SLC34A2: variants seen among roughly 807,000 people sequenced by gnomAD.
SLC34A2 encodes sodium-dependent phosphate transport protein 2B.
In SLC34A2, 41 loss-of-function variants were observed where a neutral mutation model predicts 50.8. The ratio of observed to expected loss-of-function variants is 0.81; its 90% CI spans 0.63 to 1.05. The LOEUF is 1.05. SLC34A2 is among the 50% of genes least tolerant of loss of function. The probability of loss-of-function intolerance (pLI) is 0.00; values close to 1 mark genes in which losing one functional copy is unlikely to be tolerated. For synonymous variants in SLC34A2, 401 were observed against 364.2 expected, an observed-to-expected ratio of 1.10 and a Z score of -1.15; for missense variants, 879 against 876.7, an observed-to-expected ratio of 1.00 and a Z score of -0.03.
rs1457811005 is a variant in SLC34A2, at chr4:25,677,038, C to A, written c.*289C>A. On this transcript the variant is annotated 3_prime_UTR_variant, in exon 13 of 13. Transcript: ENST00000382051. ...GGCGGGACGGATGTCTAATCCTGCG[C>A]CTAGCTGGGTTGGTCAGTAGAACCT... 2 of 454,528 alleles carry A rather than the reference C, an allele frequency of 4.4e-6. No homozygotes were observed. Among genetic ancestry groups the A allele is most frequent in the East Asian group, 8.0e-5 (2 of 24,940 alleles). The allele number at this position is 454,528 out of a possible 1,614,324, so 28.2% of individuals were successfully genotyped here.
rs534759029 is a variant in SLC34A2, at chr4:25,664,317, C to G, written c.366C>G (p.Phe122Leu). ...CCCTGGATATTCTTAGTAGCGCCTT[C>G]CAGCTGGTTGGAGGTAAGAATGAAA... ...VCSLDILSSA[F>L]QLVGGKMAGQ... is the part of the protein sequence containing the mutation. Residue 122 changes from phenylalanine to leucine, a missense_variant, in exon 4 of 13, where the codon TTC becomes TTG. Coordinates refer to ENST00000382051, the MANE Select transcript of SLC34A2 (RefSeq NM_006424.3). 7 of 1,613,988 alleles carry G rather than the reference C, an allele frequency of 4.3e-6. No individual in the cohort carries two copies. In the South Asian group the frequency reaches 7.7e-5, roughly 18 times the overall value.
rs771029639 is a variant in SLC34A2 at position 25,662,576 on chromosome 4, C to T, written c.76C>T (p.Pro26Ser). 1 of 1,614,110 alleles carries T rather than the reference C, an allele frequency of 6.2e-7. No homozygotes were observed. The highest frequency in any genetic ancestry group is 1.1e-5 in the South Asian group (1 of 91,084). Reference sequence around the variant, plus strand: ...CCTCGAAGGGGCCGCAGGTCAGCAGCCCACTGCCCCTGATAAAAGCAAAGA... The same window carrying T: ...CCTCGAAGGGGCCGCAGGTCAGCAGTCCACTGCCCCTGATAAAAGCAAAGA... ...KYLEGAAGQQ[P>S]TAPDKSKETN... The change falls in exon 2 of 13, where the codon CCC becomes TCC. Residue 26 changes from proline to serine, a missense_variant. Coordinates refer to ENST00000382051, the MANE Select transcript of SLC34A2 (RefSeq NM_006424.3).
intron 6 of SLC34A2, 37 bp downstream of exon 6, chr4:25,668,028 C>T (rs756239254): frequency 1.5e-6 from 2 of 1,331,470 alleles, no homozygotes; most frequent in South Asian, 1.2e-5. Context: ...GACATCAGCT[C>T]TATTGTTCTT....
intron 4 of SLC34A2, chr4:25,664,961 C>T (rs950950946): frequency 5.2e-5 from 12 of 230,652 alleles, no homozygotes; most frequent in South Asian, 1.8e-4. Context: ...CTCCCATTTA[C>T]GGAGAGATCA....
At chr4:25,659,804 C>T (rs188128089) in intron 1 of SLC34A2, among the ~76,000 whole-genome samples, 17 of 152,286 alleles carry the variant, frequency 1.1e-4, no homozygotes, top group African/African-American at 2.9e-4. Flanking sequence ...CCTTTGTGAG[C>T]TTAGAGGTTG....
intron 9 of SLC34A2, among the ~76,000 whole-genome samples, chr4:25,671,971 A>C (rs1008719409): frequency 2.6e-5 from 4 of 152,198 alleles, no homozygotes; most frequent in African/African-American, 9.6e-5. Flanking sequence ...CCAGCTCCAC[A>C]CCACCTCAGA....
Position 25,670,920 on chromosome 4 carries a change from A to G in SLC34A2, c.927+87A>G. On this transcript the variant is annotated intron_variant, in intron 8 of 12. Transcript: ENST00000382051. The stretch of plus-strand genomic sequence containing the variant: ...AATCTTGCCTTCAAGGAAGGTAAAT[A>G]GAAAGTCAGGGGAAAGAAATATTGG... The G allele has an allele frequency of 3.6e-6, 4 of 1,106,972 alleles. No homozygotes were observed. The South Asian group carries it at 3.9e-5, about 11-fold the overall frequency. 68.6% of individuals were successfully genotyped at this position (1,106,972 alleles called of 1,614,324 possible).
chr4:25,661,210 C>T (rs892503279), intron 1 of SLC34A2, among the ~76,000 whole-genome samples: 2 of 152,178 alleles, frequency 1.3e-5, no homozygotes, highest in African/African-American at 4.8e-5. Flanking sequence ...CCTGCAAGAA[C>T]TGTTCCATTT....
In SLC34A2 at chr4:25,676,257, G is replaced by T; in HGVS notation, c.1581G>T (p.Trp527Cys). 7.4e-6 allele frequency: 12 copies of T among 1,614,178 alleles called. No homozygotes were observed. The highest frequency in any genetic ancestry group is 1.0e-5 in the Non-Finnish European group (12 of 1,180,034). The change falls in exon 13 of 13, where the codon TGG (tryptophan) becomes TGT (cysteine). Residue 527 changes from tryptophan (W) to cysteine (C), a missense_variant. Transcript: ENST00000382051. ...GLGNISAKYR[W>C]FAVFYLIIFF... ...GCAACATCTCTGCCAAGTATCGCTG[G>T]TTCGCCGTCTTCTACCTGATCATCT...
Position 25,664,192 on chromosome 4 carries a change from C to A in SLC34A2, c.251-10C>A, listed in dbSNP as rs775783811. 8.7e-6 allele frequency: 14 copies of A among 1,611,244 alleles called. No individual in the cohort carries two copies. The East Asian group carries it at 2.9e-4, about 33-fold the overall frequency. On this transcript the variant is annotated splice_polypyrimidine_tract_variant and intron_variant, in intron 3 of 12. Coordinates refer to ENST00000382051, the MANE Select transcript of SLC34A2 (RefSeq NM_006424.3). ...CTTTCTCTCTCTCCCCCCATCCCAC[C>A]CCCCTGCAGAGAGAGACACCAAAGG...
chr4:25,664,955 C>T lies in SLC34A2; in HGVS notation c.379+625C>T, dbSNP rs536919854. 159 of 231,378 alleles carry T rather than the reference C, an allele frequency of 6.9e-4. 2 individuals are homozygous for T. The Admixed American group carries it at 8.8e-3, about 13-fold the overall frequency. 14.3% of individuals were successfully genotyped at this position (231,378 alleles called of 1,614,324 possible). On this transcript the variant is annotated intron_variant, in intron 4 of 12. Transcript: ENST00000382051. The stretch of plus-strand genomic sequence containing the variant: ...CAAACATTCTTTCCCAGAGCCCTCC[C>T]ATTTACGGAGAGATCATGAACCAGC...
intron 1 of SLC34A2, among the ~76,000 whole-genome samples, chr4:25,661,858 T>C (rs1037594672): frequency 6.6e-6 from 1 of 151,764 alleles, no homozygotes; most frequent in African/African-American, 2.4e-5. Flanking sequence ...TGAATGGGCT[T>C]GCACCCTGCC....
intron 1 of SLC34A2, among the ~76,000 whole-genome samples, chr4:25,660,549 G>A (rs964226973): frequency 6.6e-6 from 1 of 152,126 alleles, no homozygotes; most frequent in Admixed American, 6.6e-5. Flanking sequence ...ATATGGGATT[G>A]CTTCTGTTTT....
Position 25,674,350 on chromosome 4 carries a change from C to T in SLC34A2, c.1271C>T (p.Ala424Val), listed in dbSNP as rs1328096499. 1 of 1,614,068 alleles carries T rather than the reference C, an allele frequency of 6.2e-7. No individual in the cohort carries two copies. The highest frequency in any genetic ancestry group is 8.5e-7 in the Non-Finnish European group (1 of 1,180,026). ...GGCTACCTGGCCATCCTCGTCGGGG[C>T]AGGCATGACCTTCATCGTACAGAGC... ...LTGYLAILVGAGMTFIVQSSS... is the reference protein window; with the variant it reads ...LTGYLAILVGVGMTFIVQSSS... The change falls in exon 11 of 13, where the codon GCA becomes GTA. Residue 424 changes from alanine to valine, a missense_variant. Physicochemically the swap from Ala to Val is moderately conservative, Grantham distance 64 (BLOSUM62 0). Transcript: ENST00000382051.
chr4:25,664,176 T>A lies in SLC34A2; in HGVS notation c.251-26T>A, dbSNP rs778450509. 3 of 1,611,814 alleles carry A rather than the reference T, an allele frequency of 1.9e-6. No homozygotes were observed. The African/African-American group carries it at 4.0e-5, about 22-fold the overall frequency. On this transcript the variant is annotated intron_variant, in intron 3 of 12. Coordinates refer to ENST00000382051, the MANE Select transcript of SLC34A2 (RefSeq NM_006424.3). ...ACTAAAAGTTTCATGCCTTTCTCTC[T>A]CTCCCCCCATCCCACCCCCCTGCAG...
intron 4 of SLC34A2, 50 bp downstream of exon 4, chr4:25,664,380 A>C: frequency 6.2e-7 from 1 of 1,610,038 alleles, no homozygotes. Flanking sequence ...TTATCTTGAA[A>C]TGTGGTTCCG....
chr4:25,662,495 C>T lies in SLC34A2; in HGVS notation c.-3-3C>T. On this transcript the variant is annotated splice_polypyrimidine_tract_variant and splice_region_variant and intron_variant, in intron 1 of 12. Coordinates refer to ENST00000382051, the MANE Select transcript of SLC34A2 (RefSeq NM_006424.3). ...CTGCTTTAAGCTGTTTTCTCATCCA[C>T]AGACCATGGCTCCCTGGCCTGAATT... 6.2e-7 allele frequency: 1 copy of T among 1,613,556 alleles called. No individual in the cohort carries two copies. Among genetic ancestry groups the T allele is most frequent in the South Asian group, 1.1e-5 (1 of 91,066 alleles).
At position 25,676,334 on chromosome 4, in the gene SLC34A2, G is replaced by T; in HGVS notation, c.1658G>T (p.Arg553Leu). The T allele has an allele frequency of 6.2e-7, 1 of 1,614,166 alleles. No individual in the cohort carries two copies. ...TTTGGCCTCTCGCTGGCCGGCTGGC[G>T]GGTGCTGGTTGGTGTCGGGGTTCCC... ...TVFGLSLAGW[R>L]VLVGVGVPVV... Residue 553 changes from arginine to leucine, a missense_variant, in exon 13 of 13, where the codon CGG becomes CTG. Transcript: ENST00000382051.
intron 5 of SLC34A2, among the ~76,000 whole-genome samples, 164 bp downstream of exon 5, chr4:25,666,435 C>T (rs1482838339): frequency 6.6e-6 from 1 of 152,194 alleles, no homozygotes; most frequent in South Asian, 2.1e-4. Context: ...TGATCCAAGG[C>T]AACTTCCTGT....
Sources: gnomAD v4.1 joint callset for allele counts (sites outside exome capture counted in the v4.1 genomes callset) on GRCh38, gnomAD v4.1.1 for gene constraint, MANE v1.5 for transcripts, NCBI Gene and HGNC (gene_info 2026-07-23, HGNC 2026-07-21) for gene names.